Variants in CNTNAP5 observed in about 807,000 individuals in gnomAD.
The protein encoded by CNTNAP5 is contactin-associated protein-like 5.
CNTNAP5 carries 72 observed loss-of-function variants against 150.2 expected under a neutral mutation model. The observed-to-expected ratio is 0.48, with a 90% CI of 0.40 to 0.58. The LOEUF is 0.58. CNTNAP5 is among the 20% of genes least tolerant of loss of function. The pLI, the probability that CNTNAP5 is intolerant of heterozygous loss-of-function variation, is 0.00. For missense variants in CNTNAP5, 1,636 were observed against 1,626.2 expected (o/e 1.01, Z -0.10); for synonymous variants, 672 against 619.8 (o/e 1.08, Z -1.25).
At chr2:124,066,833 T>G (rs1682173702) in intron 1 of CNTNAP5, among the ~76,000 whole-genome samples, 1 of 152,128 alleles carries the variant, frequency 6.6e-6, no homozygotes, top group African/African-American at 2.4e-5. Flanking sequence ...AATGGTACTG[T>G]CCTTTTAATA....
intron 23 of CNTNAP5, among the ~76,000 whole-genome samples, chr2:124,911,916 T>C (rs1573707605): frequency 1.3e-5 from 2 of 152,172 alleles, no homozygotes; most frequent in Middle Eastern, 3.4e-3. Context: ...GGGCAGACAA[T>C]GGGTGAAGCC....
chr2:124,260,596 G>A (rs1362186293), intron 3 of CNTNAP5, among the ~76,000 whole-genome samples: 2 of 152,182 alleles, frequency 1.3e-5, no homozygotes, highest in Non-Finnish European at 2.9e-5. Flanking sequence ...CAGAAGGGGA[G>A]AAAATTTTTG....
chr2:124,268,111 C>T (rs961241919), intron 3 of CNTNAP5, among the ~76,000 whole-genome samples: 2 of 152,086 alleles, frequency 1.3e-5, no homozygotes. Flanking sequence ...CAATAGATAC[C>T]GGCCAAGCTA....
At chr2:124,236,592 C>T (rs1393406248) in intron 2 of CNTNAP5, among the ~76,000 whole-genome samples, 1 of 152,150 alleles carries the variant, frequency 6.6e-6, no homozygotes, top group Non-Finnish European at 1.5e-5. Context: ...TTATTCATTA[C>T]CATTACCAGG....
At chr2:124,235,707 C>T (rs941533837) in intron 2 of CNTNAP5, among the ~76,000 whole-genome samples, 10 of 152,168 alleles carry the variant, frequency 6.6e-5, no homozygotes, top group South Asian at 2.1e-4. Context: ...GAAAGCCAAA[C>T]TAAGTCATAC....
chr2:124,479,472 A>C (rs1003355954), intron 7 of CNTNAP5, among the ~76,000 whole-genome samples: 1 of 152,178 alleles, frequency 6.6e-6, no homozygotes. Context: ...GTGGAAATGC[A>C]TGTGTTACTT....
At chr2:124,564,191 A>G (rs1695958311) in intron 11 of CNTNAP5, among the ~76,000 whole-genome samples, 1 of 152,174 alleles carries the variant, frequency 6.6e-6, no homozygotes, top group African/African-American at 2.4e-5. Flanking sequence ...GCTCTGTGGA[A>G]AATTGGAATT....
chr2:124,356,351 C>T (rs1302466440), intron 3 of CNTNAP5, among the ~76,000 whole-genome samples: 3 of 148,844 alleles, frequency 2.0e-5, no homozygotes, highest in Non-Finnish European at 4.4e-5. Context: ...TACATGTGCA[C>T]ATTGTGCAGG....
intron 12 of CNTNAP5, among the ~76,000 whole-genome samples, chr2:124,647,460 G>A (rs1270316381): frequency 6.6e-6 from 1 of 152,154 alleles, no homozygotes; most frequent in Non-Finnish European, 1.5e-5. Context: ...TTTTGACATA[G>A]CGGTATTGCT....
chr2:124,033,527 T>C (rs1681121161), intron 1 of CNTNAP5, among the ~76,000 whole-genome samples: 1 of 152,218 alleles, frequency 6.6e-6, no homozygotes, highest in Admixed American at 6.5e-5. Context: ...TGTATTACCA[T>C]TGACTTTTCC....
intron 1 of CNTNAP5, among the ~76,000 whole-genome samples, chr2:124,098,521 G>A (rs1040918971): frequency 2.7e-4 from 41 of 152,134 alleles, no homozygotes; most frequent in African/African-American, 9.2e-4. Context: ...GGCTAGAGAT[G>A]GTTCTGATGA....
chr2:124,543,907 A>G (rs1200823786), intron 10 of CNTNAP5, among the ~76,000 whole-genome samples: 1 of 151,962 alleles, frequency 6.6e-6, no homozygotes, highest in Non-Finnish European at 1.5e-5. Context: ...AACTAGAATC[A>G]CCTAGGTTTA....
At chr2:124,460,923 A>T (rs182576477) in intron 6 of CNTNAP5, among the ~76,000 whole-genome samples, 44 of 152,350 alleles carry the variant, frequency 2.9e-4, no homozygotes, top group Non-Finnish European at 5.6e-4. Flanking sequence ...ATCGAGGAAA[A>T]TAAACTGAAA....
chr2:124,420,747 G>A (rs963293980), intron 4 of CNTNAP5, among the ~76,000 whole-genome samples: 3 of 152,164 alleles, frequency 2.0e-5, no homozygotes, highest in Non-Finnish European at 2.9e-5. Context: ...TCCTTCCTGA[G>A]AGTTTCCAGC....
At chr2:124,651,013 G>A (rs1294036823) in intron 13 of CNTNAP5, among the ~76,000 whole-genome samples, 1 of 152,178 alleles carries the variant, frequency 6.6e-6, no homozygotes, top group African/African-American at 2.4e-5. Flanking sequence ...ATTCTGCAAT[G>A]CATCAAGGTT....
chr2:124,625,145 T>A (rs556933172), intron 12 of CNTNAP5, among the ~76,000 whole-genome samples: 4 of 152,250 alleles, frequency 2.6e-5, no homozygotes, highest in Admixed American at 2.6e-4. Context: ...TGTCTCTTGT[T>A]CACAGTCCCT....
intron 11 of CNTNAP5, among the ~76,000 whole-genome samples, chr2:124,592,373 A>ATG (rs1281431649): frequency 1.1e-4 from 12 of 111,804 alleles, no homozygotes; most frequent in African/African-American, 2.6e-4. Flanking sequence ...GTGTATATAT[A>ATG]TATGTGTGTG....
At chr2:124,112,577 G>A (rs984644905) in intron 1 of CNTNAP5, among the ~76,000 whole-genome samples, 2 of 151,906 alleles carry the variant, frequency 1.3e-5, no homozygotes, top group Admixed American at 1.3e-4. Flanking sequence ...ATAAAATTTT[G>A]TGCTCCTAAA....
Position 124,287,333 on chromosome 2 carries a change from G to A in CNTNAP5, c.381+44940G>A, listed in dbSNP as rs532836015. Reference sequence around the variant, plus strand: ...ATCCAAGGACTTAGGCCAGTATGCCGGGTGCTAACCAATGTAAATTAGGGT... The same window carrying A: ...ATCCAAGGACTTAGGCCAGTATGCCAGGTGCTAACCAATGTAAATTAGGGT... On this transcript the variant is annotated intron_variant, in intron 3 of 23. Coordinates refer to ENST00000682447, the MANE Select transcript of CNTNAP5 (RefSeq NM_001367498.1). Among the ~76,000 whole-genome samples the A allele has an allele frequency of 3.0e-4, 45 of 152,208 alleles. No homozygotes were observed. The South Asian group carries it at 8.1e-3, about 27-fold the overall frequency.
Sources: gnomAD v4.1 joint callset for allele counts (sites outside exome capture counted in the v4.1 genomes callset) on GRCh38, gnomAD v4.1.1 for gene constraint, MANE v1.5 for transcripts, NCBI Gene and HGNC (gene_info 2026-07-23, HGNC 2026-07-21) for gene names.